Variants in UACA observed in about 807,000 individuals in gnomAD.
UACA encodes nuclear membrane binding protein.
A neutral mutation model predicts 160.5 loss-of-function variants in UACA; 112 were observed. The ratio of observed to expected loss-of-function variants is 0.70; its 90% CI spans 0.60 to 0.82. The LOEUF (loss-of-function observed/expected upper bound fraction) is 0.82, where lower values mean the gene tolerates loss of function less well. Among genes scored for constraint, UACA ranks in the 40% least tolerant of loss-of-function variants. UACA has a pLI of 0.00. For missense variants in UACA, 1,574 were observed against 1,614.6 expected (o/e 0.97, Z 0.43); for synonymous variants, 557 against 568.4 (o/e 0.98, Z 0.29).
intron 18 of UACA, among the ~76,000 whole-genome samples, chr15:70,659,395 G>GTTTTTTTTTTTGTTTTTTT (rs1896608300): frequency 5.3e-5 from 1 of 18,818 alleles, no homozygotes; most frequent in Non-Finnish European, 9.6e-5. Context: ...TTTTTTGTTT[G>GTTTTTTTTTTTGTTTTTTT]TTTTTTTTTT....
intron 1 of UACA, among the ~76,000 whole-genome samples, chr15:70,739,259 T>C (rs909822656): frequency 2.6e-5 from 4 of 152,212 alleles, no homozygotes; most frequent in African/African-American, 9.6e-5. Context: ...ATCTTGGCAC[T>C]ACTGACATTT....
chr15:70,685,703 A>G (rs1398211683), intron 7 of UACA, among the ~76,000 whole-genome samples: 1 of 152,176 alleles, frequency 6.6e-6, no homozygotes, highest in Non-Finnish European at 1.5e-5. Flanking sequence ...AAGTGCTTTG[A>G]AAAATGTGAG....
rs1388399048 is a variant in UACA, at chr15:70,699,617, G to T, written c.122C>A (p.Ala41Glu). The change falls in exon 2 of 19, where the codon GCA becomes GAA. Residue 41 changes from alanine to glutamate, a missense_variant. Physicochemically the swap from Ala to Glu is moderately radical, Grantham distance 107. Transcript: ENST00000322954. ...TTTTTCTACATCCCCCCTTTCTGCT[G>T]CTTTCATCAATCGGTCATCATATTT... ...WNKYDDRLMK[A>E]AERGDVEKVT... The T allele has an allele frequency of 1.2e-6, 2 of 1,609,616 alleles. No homozygotes were observed. The highest frequency in any genetic ancestry group is 1.7e-6 in the Non-Finnish European group (2 of 1,179,066).
intron 1 of UACA, among the ~76,000 whole-genome samples, chr15:70,718,028 T>C (rs1044497019): frequency 4.9e-5 from 7 of 142,680 alleles, no homozygotes; most frequent in East Asian, 4.1e-4. Context: ...AATTTCTTTA[T>C]ACACACACAC....
In UACA at chr15:70,684,239, T is replaced by C. The variant is rs148422382; in HGVS notation, c.784+26A>G. 1.1e-4 allele frequency: 166 copies of C among 1,569,440 alleles called. No individual in the cohort carries two copies. In the African/African-American group the frequency reaches 2.1e-3, roughly 20 times the overall value. On this transcript the variant is annotated intron_variant, in intron 8 of 18. Transcript: ENST00000322954. Reference sequence around the variant, plus strand: ...AGTGGCTCTTTGTTAATGTGGACTTTTCTAGTTACAGAAAACTGCTGATAC... The same window carrying C: ...AGTGGCTCTTTGTTAATGTGGACTTCTCTAGTTACAGAAAACTGCTGATAC...
intron 3 of UACA, among the ~76,000 whole-genome samples, chr15:70,692,606 C>G (rs938157735): frequency 4.6e-5 from 7 of 152,144 alleles, no homozygotes; most frequent in African/African-American, 1.7e-4. Flanking sequence ...CCCATCTCTA[C>G]AAAACATATA....
chr15:70,689,034 A>T (rs1319973350), intron 5 of UACA, among the ~76,000 whole-genome samples: 5 of 152,204 alleles, frequency 3.3e-5, no homozygotes, highest in Non-Finnish European at 4.4e-5. Flanking sequence ...TTTTGCTCCT[A>T]TCAGTAGAAT....
intron 1 of UACA, among the ~76,000 whole-genome samples, chr15:70,716,347 G>A (rs1185459050): frequency 1.3e-5 from 2 of 152,152 alleles, no homozygotes; most frequent in East Asian, 3.8e-4. Flanking sequence ...GCCACCAGAC[G>A]ACTGCAGCCA....
chr15:70,750,975 G>A (rs2030017200), intron 1 of UACA, among the ~76,000 whole-genome samples: 1 of 152,200 alleles, frequency 6.6e-6, no homozygotes, highest in Non-Finnish European at 1.5e-5. Flanking sequence ...ATACAACAAT[G>A]TGAATGTATT....
intron 1 of UACA, among the ~76,000 whole-genome samples, chr15:70,726,034 T>G (rs960577128): frequency 6.6e-6 from 1 of 152,198 alleles, no homozygotes; most frequent in Non-Finnish European, 1.5e-5. Flanking sequence ...GGGATGACTT[T>G]AAACATCTGA....
At chr15:70,659,395 G>GTTTGTTT (rs1896607026) in intron 18 of UACA, among the ~76,000 whole-genome samples, 1 of 18,818 alleles carries the variant, frequency 5.3e-5, no homozygotes, top group Admixed American at 1.1e-3. Flanking sequence ...TTTTTTGTTT[G>GTTTGTTT]TTTTTTTTTT....
intron 1 of UACA, among the ~76,000 whole-genome samples, chr15:70,743,784 G>A (rs939813326): frequency 2.6e-5 from 4 of 152,162 alleles, no homozygotes; most frequent in African/African-American, 9.7e-5. Context: ...AAAAGTTGGT[G>A]CCAAATCGTA....
chr15:70,699,032 T>G (rs1898233332), intron 2 of UACA, among the ~76,000 whole-genome samples: 1 of 152,170 alleles, frequency 6.6e-6, no homozygotes, highest in Admixed American at 6.5e-5. Flanking sequence ...GCTCTAAGCA[T>G]TCTCATTTAA....
intron 15 of UACA, among the ~76,000 whole-genome samples, chr15:70,670,735 T>C (rs1472974169): frequency 6.6e-6 from 1 of 152,076 alleles, no homozygotes; most frequent in Non-Finnish European, 1.5e-5. Context: ...CCCCTTTATA[T>C]GGGCAAATAT....
chr15:70,764,184 G>A (rs1457542300), upstream of UACA, among the ~76,000 whole-genome samples: 3 of 152,134 alleles, frequency 2.0e-5, no homozygotes, highest in African/African-American at 4.8e-5. Flanking sequence ...AGAATCCGCC[G>A]TATTGGAAGC....
Position 70,676,489 on chromosome 15 carries a change from A to G in UACA, c.1131+4T>C. On this transcript the variant is annotated splice_donor_region_variant and intron_variant, in intron 13 of 18. Transcript: ENST00000322954. ...TTACAGGAAATAATTTATCCTTTCTATACCTCAAAATATTTAAATCTATTT... is the reference window on the plus strand; with the variant it reads ...TTACAGGAAATAATTTATCCTTTCTGTACCTCAAAATATTTAAATCTATTT... The G allele has an allele frequency of 1.9e-6, 3 of 1,588,728 alleles. No homozygotes were observed. The highest frequency in any genetic ancestry group is 1.7e-5 in the Admixed American group (1 of 59,796).
chr15:70,680,362 A>C (rs1897454883), intron 9 of UACA, among the ~76,000 whole-genome samples: 1 of 152,192 alleles, frequency 6.6e-6, no homozygotes, highest in Admixed American at 6.5e-5. Context: ...TAACTAATGT[A>C]GAAAGCTATT....
At chr15:70,694,620 T>C (rs977285541) in intron 3 of UACA, among the ~76,000 whole-genome samples, 3 of 152,148 alleles carry the variant, frequency 2.0e-5, no homozygotes, top group Non-Finnish European at 4.4e-5. Flanking sequence ...TTAAATGTTA[T>C]ATACATGTCA....
upstream of UACA, among the ~76,000 whole-genome samples, chr15:70,767,219 G>A (rs1197344416): frequency 4.8e-5 from 6 of 125,596 alleles, no homozygotes; most frequent in East Asian, 2.4e-4. Flanking sequence ...CGGCCTGAGC[G>A]ACAGAGCAAG....
Sources: allele counts gnomAD v4.1 joint callset (sites outside exome capture counted in the v4.1 genomes callset), GRCh38; gene constraint gnomAD v4.1.1; transcripts MANE v1.5; gene names NCBI Gene and HGNC (gene_info 2026-07-23, HGNC 2026-07-21).